ROR2: variants seen among roughly 807,000 people sequenced by gnomAD.
The protein encoded by ROR2 is tyrosine-protein kinase transmembrane receptor ROR2.
A neutral mutation model predicts 74.9 loss-of-function variants in ROR2; 33 were observed. That is an observed-to-expected ratio of 0.44 (90% CI 0.33 to 0.59). The LOEUF is 0.59. Among genes scored for constraint, ROR2 ranks in the 20% least tolerant of loss-of-function variants. The probability of loss-of-function intolerance (pLI) is 0.02; values close to 1 mark genes in which losing one functional copy is unlikely to be tolerated. For synonymous variants in ROR2, 586 were observed against 558.7 expected, an observed-to-expected ratio of 1.05 and a Z score of -0.69; for missense variants, 1,216 against 1,313.8, an observed-to-expected ratio of 0.93 and a Z score of 1.15.
intron 1 of ROR2, among the ~76,000 whole-genome samples, chr9:91,904,913 G>GCA (rs896649251): frequency 6.6e-6 from 1 of 151,870 alleles, no homozygotes; most frequent in African/African-American, 2.4e-5. Flanking sequence ...ACACGTGTGC[G>GCA]CACACACACC....
In ROR2 at chr9:91,726,546, T is replaced by G. The variant is rs770102780; in HGVS notation, c.1381A>C (p.Lys461Gln). Reference sequence around the variant, plus strand: ...AAAATGTAAGGCATGGAGACCTGTTTGTGCTGGTTAATGAGGGGCATTTCC... The same window carrying G: ...AAAATGTAAGGCATGGAGACCTGTTGGTGCTGGTTAATGAGGGGCATTTCC... ...DMEMPLINQH[K>Q]QAKLKEISLS... The change falls in exon 8 of 9, where the codon AAA (lysine) becomes CAA (glutamine). Residue 461 changes from lysine to glutamine, a missense_variant. Transcript: ENST00000375708. The G allele has an allele frequency of 6.2e-7, 1 of 1,612,238 alleles. No homozygotes were observed. Among genetic ancestry groups the G allele is most frequent in the Non-Finnish European group, 8.5e-7 (1 of 1,180,016 alleles).
intron 1 of ROR2, among the ~76,000 whole-genome samples, chr9:91,784,981 A>G (rs944199648): frequency 6.6e-6 from 1 of 152,208 alleles, no homozygotes; most frequent in Non-Finnish European, 1.5e-5. Flanking sequence ...GGATGAATGA[A>G]TGAATGAATG....
intron 1 of ROR2, among the ~76,000 whole-genome samples, chr9:91,806,868 C>T (rs530733778): frequency 1.3e-5 from 2 of 152,326 alleles, no homozygotes; most frequent in South Asian, 2.1e-4. Flanking sequence ...GGATTACAGG[C>T]ATAAGCCATC....
chr9:91,941,563 C>T (rs1831868475), intron 1 of ROR2, among the ~76,000 whole-genome samples: 1 of 152,186 alleles, frequency 6.6e-6, no homozygotes, highest in Non-Finnish European at 1.5e-5. Flanking sequence ...TCTGACAACA[C>T]GTTTAAATAA....
chr9:91,933,213 T>C (rs538415585), intron 1 of ROR2, among the ~76,000 whole-genome samples: 7 of 151,810 alleles, frequency 4.6e-5, no homozygotes, highest in Non-Finnish European at 7.4e-5. Context: ...CTACTCAGGA[T>C]GCTGAGGCAG....
Position 91,723,491 on chromosome 9 carries a change from CTG to C in ROR2, c.*169_*170del, listed in dbSNP as rs2118602171. The C allele has an allele frequency of 4.2e-6, 4 of 947,068 alleles. No homozygotes were observed. The East Asian group carries it at 1.1e-4, about 26-fold the overall frequency. The allele number at this position is 947,068 out of a possible 1,614,324, so 58.7% of individuals were successfully genotyped here. A position where few individuals can be genotyped will look rare whatever the true frequency, so the allele number is the denominator to read the frequency against. On this transcript the variant is annotated 3_prime_UTR_variant, in exon 9 of 9. Coordinates refer to ENST00000375708, the MANE Select transcript of ROR2 (RefSeq NM_004560.4). ...GGGTGCTCCTAGGCAGGGCAGCTCT[CTG>C]TGTCAGAGGACAGAGAGGAGCAGGG...
chr9:91,764,559 TAC>T (rs11405599), intron 2 of ROR2, among the ~76,000 whole-genome samples: 504 of 147,328 alleles, frequency 3.4e-3, no homozygotes, highest in East Asian at 8.1e-3. Flanking sequence ...TATAATCACT[TAC>T]ACACACACAC....
At chr9:91,934,654 G>A (rs1831635930) in intron 1 of ROR2, among the ~76,000 whole-genome samples, 1 of 151,846 alleles carries the variant, frequency 6.6e-6, no homozygotes, top group Admixed American at 6.6e-5. Flanking sequence ...CCATAGAAAT[G>A]TGTGGTTGGT....
chr9:91,762,051 G>T (rs1321557934), intron 2 of ROR2, among the ~76,000 whole-genome samples: 1 of 152,162 alleles, frequency 6.6e-6, no homozygotes, highest in Admixed American at 6.5e-5. Flanking sequence ...CTTTCCGTGT[G>T]GTGAGCAGCA....
chr9:91,938,283 ACT>A (rs1489788432), intron 1 of ROR2, among the ~76,000 whole-genome samples: 6 of 151,750 alleles, frequency 4.0e-5, no homozygotes, highest in African/African-American at 1.2e-4. Context: ...ACATAGTGAG[ACT>A]CTTTCTCTTA....
At chr9:91,779,228 CT>C (rs1826528246) in intron 1 of ROR2, among the ~76,000 whole-genome samples, 1 of 151,828 alleles carries the variant, frequency 6.6e-6, no homozygotes. Flanking sequence ...GTCATCACAA[CT>C]TTTCTATAAA....
intron 1 of ROR2, among the ~76,000 whole-genome samples, chr9:91,799,824 C>T (rs1217054800): frequency 6.6e-6 from 1 of 152,186 alleles, no homozygotes; most frequent in Non-Finnish European, 1.5e-5. Context: ...GCTCCTGGCC[C>T]ACTGTACCCC....
intron 1 of ROR2, among the ~76,000 whole-genome samples, chr9:91,937,696 G>A (rs1831738811): frequency 6.6e-6 from 1 of 152,084 alleles, no homozygotes; most frequent in African/African-American, 2.4e-5. Flanking sequence ...GCACAGGAGA[G>A]ACAGGCAAAA....
At chr9:91,889,716 G>C (rs1830378883) in intron 1 of ROR2, among the ~76,000 whole-genome samples, 1 of 152,220 alleles carries the variant, frequency 6.6e-6, no homozygotes, top group Non-Finnish European at 1.5e-5. Context: ...CCAAGGACCT[G>C]GCTTTGGAAA....
intron 1 of ROR2, among the ~76,000 whole-genome samples, chr9:91,874,159 G>A (rs994269877): frequency 6.6e-6 from 1 of 152,148 alleles, no homozygotes; most frequent in Non-Finnish European, 1.5e-5. Flanking sequence ...CCCACTTAGG[G>A]GAAGAGAAAA....
intron 1 of ROR2, among the ~76,000 whole-genome samples, chr9:91,801,280 T>C (rs1398353772): frequency 6.6e-6 from 1 of 152,228 alleles, no homozygotes; most frequent in East Asian, 1.9e-4. Context: ...TCATTCTTCA[T>C]GTGAAGGCTC....
intron 1 of ROR2, among the ~76,000 whole-genome samples, chr9:91,896,982 G>A (rs527905040): frequency 6.6e-6 from 1 of 152,184 alleles, no homozygotes; most frequent in Non-Finnish European, 1.5e-5. Flanking sequence ...CTCATTTAAA[G>A]AGCGAGTGGG....
chr9:91,810,314 C>G (rs1827706735), intron 1 of ROR2, among the ~76,000 whole-genome samples: 1 of 152,218 alleles, frequency 6.6e-6, no homozygotes, highest in African/African-American at 2.4e-5. Flanking sequence ...TTCTCAAGCA[C>G]TCAGGTGAGA....
chr9:91,855,418 G>A (rs1023510675), intron 1 of ROR2, among the ~76,000 whole-genome samples: 1 of 152,222 alleles, frequency 6.6e-6, no homozygotes, highest in African/African-American at 2.4e-5. Context: ...GGGCAGCCTG[G>A]CCCTAGGCGA....
Sources: allele counts gnomAD v4.1 joint callset (sites outside exome capture counted in the v4.1 genomes callset), GRCh38; gene constraint gnomAD v4.1.1; transcripts MANE v1.5; gene names NCBI Gene and HGNC (gene_info 2026-07-23, HGNC 2026-07-21).